Variants in SLIT3 observed in about 807,000 individuals in gnomAD.
SLIT3 encodes the protein slit guidance ligand 3, also known as slit homolog 3 protein.
A neutral mutation model predicts 184.0 loss-of-function variants in SLIT3; 68 were observed. That is an observed-to-expected ratio of 0.37 (90% CI 0.30 to 0.45). The LOEUF is 0.45. Among genes scored for constraint, SLIT3 ranks in the 20% least tolerant of loss-of-function variants. The probability of loss-of-function intolerance (pLI) is 1.00; values close to 1 mark genes in which losing one functional copy is unlikely to be tolerated. For missense variants in SLIT3, 1,707 were observed against 2,026.0 expected, an observed-to-expected ratio of 0.84 and a Z score of 3.02; for synonymous variants, 831 against 828.6, an observed-to-expected ratio of 1.00 and a Z score of -0.05.
chr5:169,017,757 T>C (rs1756446675), intron 4 of SLIT3: 1 of 152,138 alleles, frequency 6.6e-6, no homozygotes. Context: ...CAATAAATAT[T>C]GTCTATGAGA....
At position 169,052,967 on chromosome 5, in the gene SLIT3, GA is replaced by G. The variant is rs1757867895; in HGVS notation, c.413+140511del. On this transcript the variant is annotated intron_variant, in intron 4 of 35. Transcript: ENST00000519560. ...GGCTGAAAGGCACCGATGCCCAAAG[GA>G]AAGTGGGCCACATTTGGTCTGGACA... Among the ~76,000 whole-genome samples, 4 of 152,316 alleles carry G rather than the reference GA, an allele frequency of 2.6e-5. No homozygotes were observed. The South Asian group carries it at 8.3e-4, about 32-fold the overall frequency.
At chr5:169,056,589 G>A (rs7735291) in intron 4 of SLIT3, among the ~76,000 whole-genome samples, 50,960 of 149,408 alleles carry the variant, frequency 0.34, 10,391 homozygotes, top group African/African-American at 0.59. Flanking sequence ...CATAGCTGGC[G>A]ATCTCTTAAA....
At chr5:169,098,518 C>T (rs1759877113) in intron 4 of SLIT3, among the ~76,000 whole-genome samples, 1 of 152,200 alleles carries the variant, frequency 6.6e-6, no homozygotes, top group Non-Finnish European at 1.5e-5. Context: ...GGATCTCCAC[C>T]TATTCCACAC....
intron 4 of SLIT3, among the ~76,000 whole-genome samples, chr5:168,934,896 G>A (rs1410807258): frequency 3.3e-5 from 5 of 151,190 alleles, no homozygotes; most frequent in African/African-American, 4.9e-5. Context: ...TTGGGAGGCC[G>A]AGATGGGCGG....
At chr5:168,897,646 G>GCGCGCGCGCGCACACACACACACACACA in intron 4 of SLIT3, among the ~76,000 whole-genome samples, 2 of 105,382 alleles carry the variant, frequency 1.9e-5, no homozygotes, top group Non-Finnish European at 3.9e-5. Context: ...ACAGGTGCAC[G>GCGCGCGCGCGCACACACACACACACACA]TACACACACA....
At chr5:169,199,031 T>C (rs992639261) in intron 3 of SLIT3, among the ~76,000 whole-genome samples, 17 of 145,364 alleles carry the variant, frequency 1.2e-4, no homozygotes, top group East Asian at 6.8e-4. Context: ...CACACACACA[T>C]ACATACATAT....
intron 5 of SLIT3, among the ~76,000 whole-genome samples, chr5:168,879,401 G>T (rs1259426785): frequency 6.6e-6 from 1 of 152,200 alleles, no homozygotes; most frequent in East Asian, 1.9e-4. Flanking sequence ...GTAGGAGGAG[G>T]AGTGTTTCCT....
At chr5:168,835,716 C>T (rs1387922417) in intron 6 of SLIT3, among the ~76,000 whole-genome samples, 1 of 151,038 alleles carries the variant, frequency 6.6e-6, no homozygotes, top group Non-Finnish European at 1.5e-5. Flanking sequence ...GAGGCTGAGA[C>T]AAGAGAGTTG....
At chr5:168,970,509 A>C (rs1246729124) in intron 4 of SLIT3, among the ~76,000 whole-genome samples, 6 of 151,674 alleles carry the variant, frequency 4.0e-5, no homozygotes, top group African/African-American at 9.7e-5. Context: ...TAAAAAAAAA[A>C]AAAAAACAAA....
chr5:169,129,133 G>A (rs950217814), intron 4 of SLIT3, among the ~76,000 whole-genome samples: 1 of 152,162 alleles, frequency 6.6e-6, no homozygotes, highest in Non-Finnish European at 1.5e-5. Context: ...TGGCCCGAAA[G>A]GCCATGCGTC....
intron 16 of SLIT3, among the ~76,000 whole-genome samples, chr5:168,757,887 A>G (rs1755006241): frequency 6.6e-6 from 1 of 152,228 alleles, no homozygotes; most frequent in Non-Finnish European, 1.5e-5. Context: ...CTTATAAGGA[A>G]GGTGGATTTA....
intron 20 of SLIT3, among the ~76,000 whole-genome samples, chr5:168,725,778 C>T (rs190356238): frequency 4.8e-4 from 73 of 152,306 alleles, no homozygotes; most frequent in South Asian, 3.1e-3. Context: ...TAATAAGGTG[C>T]TAGCACACTA....
At chr5:169,054,152 C>A (rs1299239206) in intron 4 of SLIT3, among the ~76,000 whole-genome samples, 1 of 149,762 alleles carries the variant, frequency 6.7e-6, no homozygotes, top group African/African-American at 2.5e-5. Context: ...TTAGTGTGGG[C>A]CTTAATCCAA....
rs1395225143 is a variant in SLIT3, at chr5:168,856,802, T to TGCGC, written c.486-12148_486-12147insGCGC. ...GTGTGTGTGTGTGTGTGTGTGTGTG[T>TGCGC]GTGTGCGCGCGCGCGCACGCCTTTG... is the stretch of plus-strand genomic sequence containing the variant. On this transcript the variant is annotated intron_variant, in intron 5 of 35. Transcript: ENST00000519560. Among the ~76,000 whole-genome samples, 786 of 143,110 alleles carry TGCGC rather than the reference T, an allele frequency of 5.5e-3. 5 individuals carry two copies. The highest frequency in any genetic ancestry group is 0.02 in the African/African-American group (746 of 36,432). The allele number at this position is 143,110 out of a possible 152,430, so 93.9% of individuals were successfully genotyped here. A position where few individuals can be genotyped will look rare whatever the true frequency, so the allele number is the denominator to read the frequency against.
chr5:168,885,976 C>T (rs1204083216), intron 4 of SLIT3, among the ~76,000 whole-genome samples: 1 of 152,154 alleles, frequency 6.6e-6, no homozygotes, highest in Non-Finnish European at 1.5e-5. Context: ...TGGGGCAGCG[C>T]TTTGGTTTCT....
At chr5:169,028,268 T>C (rs1212610681) in intron 4 of SLIT3, among the ~76,000 whole-genome samples, 1 of 152,078 alleles carries the variant, frequency 6.6e-6, no homozygotes, top group African/African-American at 2.4e-5. Flanking sequence ...CTGTGAATTA[T>C]GTACTTCAGA....
chr5:168,745,445 T>C (rs558858794), intron 20 of SLIT3, among the ~76,000 whole-genome samples: 8 of 152,140 alleles, frequency 5.3e-5, no homozygotes, highest in African/African-American at 1.9e-4. Flanking sequence ...AGAGTCTCAC[T>C]TTATTGCCCA....
At chr5:169,244,628 CAAAAACAAAA>C (rs1195836095) in intron 3 of SLIT3, 67 bp downstream of exon 3, 86 of 1,387,344 alleles carry the variant, frequency 6.2e-5, no homozygotes, top group Admixed American at 2.4e-4. Context: ...GGCCAATTTA[CAAAAACAAAA>C]CAAAACAAAA....
intron 3 of SLIT3, among the ~76,000 whole-genome samples, chr5:169,202,861 G>A (rs970019618): frequency 1.3e-5 from 2 of 151,510 alleles, no homozygotes; most frequent in African/African-American, 2.4e-5. Context: ...CCTCACATTG[G>A]ATTACTTTTT....
Sources: gnomAD v4.1 joint callset for allele counts (sites outside exome capture counted in the v4.1 genomes callset) on GRCh38, gnomAD v4.1.1 for gene constraint, MANE v1.5 for transcripts, NCBI Gene and HGNC (gene_info 2026-07-23, HGNC 2026-07-21) for gene names.